Variants in UNC5A observed in about 807,000 individuals in gnomAD.
The protein encoded by UNC5A is netrin receptor UNC5A.
UNC5A carries 20 observed loss-of-function variants against 87.4 expected under a neutral mutation model. The ratio of observed to expected loss-of-function variants is 0.23; its 90% CI spans 0.16 to 0.33. The LOEUF (loss-of-function observed/expected upper bound fraction) is 0.33, where lower values mean the gene tolerates loss of function less well. UNC5A is among the 10% of genes least tolerant of loss of function. The pLI is 1.00. For missense variants in UNC5A, 844 were observed against 1,133.4 expected (o/e 0.74, Z 3.67); for synonymous variants, 438 against 482.3 (o/e 0.91, Z 1.20).
At chr5:176,852,274 CACATACACCACACAGAAACACT>C (rs1380388023) in intron 1 of UNC5A, among the ~76,000 whole-genome samples, 39 of 152,088 alleles carry the variant, frequency 2.6e-4, no homozygotes, top group East Asian at 1.4e-3. Flanking sequence ...CACAGAAACA[CACATACACCACACAGAAACACT>C]ACATACACCA....
intron 1 of UNC5A, among the ~76,000 whole-genome samples, chr5:176,837,870 G>A (rs1295072319): frequency 1.3e-5 from 2 of 152,068 alleles, no homozygotes; most frequent in African/African-American, 2.4e-5. Context: ...CACAGAGGCT[G>A]TCCCTCTGCG....
chr5:176,847,670 G>A (rs889544219), intron 1 of UNC5A, among the ~76,000 whole-genome samples: 7 of 151,948 alleles, frequency 4.6e-5, no homozygotes, highest in African/African-American at 1.7e-4. Context: ...ATTCCAGCCC[G>A]ATAGCCATAA....
At position 176,878,510 on chromosome 5, in the gene UNC5A, G is replaced by A; in HGVS notation, c.2055G>A (p.Gln685=). The change falls in exon 13 of 15, where the codon CAG becomes CAA. Residue 685 remains glutamine (Q), a synonymous_variant. Transcript: ENST00000329542. ...IPFYHIWNGT[Q]RYLHCTFTLE... is the part of the protein sequence containing the mutation. ...TTTATCACATCTGGAATGGCACGCAGCGGTACTTGCACTGCACCTTCACCC... is the reference window on the plus strand; with the variant it reads ...TTTATCACATCTGGAATGGCACGCAACGGTACTTGCACTGCACCTTCACCC... 4 of 1,613,134 alleles carry A rather than the reference G, an allele frequency of 2.5e-6. No individual in the cohort carries two copies. Among genetic ancestry groups the A allele is most frequent in the Non-Finnish European group, 3.4e-6 (4 of 1,179,888 alleles).
chr5:176,873,128 A>C (rs34082098), intron 6 of UNC5A, among the ~76,000 whole-genome samples: 16 of 74,570 alleles, frequency 2.1e-4, no homozygotes, highest in Middle Eastern at 0.013. Context: ...GCCCACACTC[A>C]CCCAACACCA....
At chr5:176,878,737 C>A in intron 13 of UNC5A, 98 bp downstream of exon 13, 1 of 1,458,654 alleles carries the variant, frequency 6.9e-7, no homozygotes, top group Non-Finnish European at 9.3e-7. Flanking sequence ...CTGCCACCCA[C>A]TCTCCCTCCC....
At chr5:176,863,778 TCCTTCTTTACCCCCTTCTTCCCTCCTTCC>T in intron 2 of UNC5A, among the ~76,000 whole-genome samples, 1 of 47,314 alleles carries the variant, frequency 2.1e-5, no homozygotes, top group Non-Finnish European at 4.0e-5. Flanking sequence ...CCTCCCCTCC[TCCTTCTTTACCCCCTTCTTCCCTCCTTCC>T]CCTCCTCCCC....
rs1440966531 is a variant in UNC5A at position 176,824,242 on chromosome 5, G to A, written c.70+13422G>A. On this transcript the variant is annotated intron_variant, in intron 1 of 14. Coordinates refer to ENST00000329542, the MANE Select transcript of UNC5A (RefSeq NM_133369.3). This position sits in a 1 kb window ranked among gnomAD's most constrained non-coding sequence, Gnocchi z 4.2. ...GGAAAGCGGCCGTGGGGCTGAGGCG[G>A]GTGAGGCCAGCGCACAGGGAGATCA... 6.6e-6 allele frequency among the ~76,000 whole-genome samples: 1 copy of A among 152,240 alleles called. No individual in the cohort carries two copies.
At position 176,866,542 on chromosome 5, in the gene UNC5A, C is replaced by T. The variant is rs1757980153; in HGVS notation, c.293-1588C>T. ...GAGGGCCGGGCTCCCCACAGCACCA[C>T]GGGGGATGGAGGAACCATTAACAGA... On this transcript the variant is annotated intron_variant, in intron 2 of 14. Transcript: ENST00000329542. This position sits in a 1 kb window ranked among gnomAD's most constrained non-coding sequence, Gnocchi z 5.0. Among the ~76,000 whole-genome samples the T allele has an allele frequency of 6.6e-6, 1 of 152,160 alleles. No individual in the cohort carries two copies. The highest frequency in any genetic ancestry group is 1.5e-5 in the Non-Finnish European group (1 of 68,020).
At chr5:176,846,561 G>A (rs1281512833) in intron 1 of UNC5A, among the ~76,000 whole-genome samples, 1 of 152,228 alleles carries the variant, frequency 6.6e-6, no homozygotes, top group Admixed American at 6.5e-5. Flanking sequence ...GCCCCAGATC[G>A]GGCCCCCCAG....
intron 2 of UNC5A, 36 bp from the exon 3 acceptor site, chr5:176,868,094 C>A: frequency 6.2e-7 from 1 of 1,603,630 alleles, no homozygotes; most frequent in East Asian, 2.2e-5. Context: ...TCAGGGTGGC[C>A]CTGGGGCTCT....
At chr5:176,819,075 G>C (rs1432360826) in intron 1 of UNC5A, among the ~76,000 whole-genome samples, 1 of 152,242 alleles carries the variant, frequency 6.6e-6, no homozygotes, top group African/African-American at 2.4e-5. Flanking sequence ...GGGCCGCACA[G>C]GTTGGGGGAG....
At chr5:176,816,121 C>A (rs1756579962) in intron 1 of UNC5A, among the ~76,000 whole-genome samples, 1 of 152,182 alleles carries the variant, frequency 6.6e-6, no homozygotes, top group Non-Finnish European at 1.5e-5. Flanking sequence ...TGTAGTATAC[C>A]CAATGATGCC....
chr5:176,839,314 C>A (rs932176919), intron 1 of UNC5A, among the ~76,000 whole-genome samples: 1 of 152,232 alleles, frequency 6.6e-6, no homozygotes, highest in Non-Finnish European at 1.5e-5. Flanking sequence ...ATGAGCACAT[C>A]GGAAGAAGAT....
At chr5:176,857,500 G>A (rs1036116022) in intron 1 of UNC5A, among the ~76,000 whole-genome samples, 1 of 151,168 alleles carries the variant, frequency 6.6e-6, no homozygotes, top group Non-Finnish European at 1.5e-5. Flanking sequence ...CTACACACAC[G>A]CACACACACA....
At position 176,810,723 on chromosome 5, in the gene UNC5A, C is replaced by G. The variant is rs999195049; in HGVS notation, c.-28C>G. Reference sequence around the variant, plus strand: ...CCTCCCGCCCGCGGGGCCCCGCGCCCGGCCCGCCCGCCTGCCCGCCCGCGG... The same window carrying G: ...CCTCCCGCCCGCGGGGCCCCGCGCCGGGCCCGCCCGCCTGCCCGCCCGCGG... On this transcript the variant is annotated 5_prime_UTR_variant, in exon 1 of 15. Coordinates refer to ENST00000329542, the MANE Select transcript of UNC5A (RefSeq NM_133369.3). The surrounding 1 kb of genome is among the most constrained non-coding windows in gnomAD (Gnocchi z 7.3). 3 of 1,044,514 alleles carry G rather than the reference C, an allele frequency of 2.9e-6. No individual in the cohort carries two copies. Among genetic ancestry groups the G allele is most frequent in the Non-Finnish European group, 2.3e-6 (2 of 858,932 alleles). The allele number at this position is 1,044,514 out of a possible 1,614,324, so 64.7% of individuals were successfully genotyped here.
rs1415976625 is a variant in UNC5A at position 176,869,877 on chromosome 5, TCCCA to T, written c.722-485_722-482del. On this transcript the variant is annotated intron_variant, in intron 5 of 14. Transcript: ENST00000329542. The surrounding 1 kb of genome is among the most constrained non-coding windows in gnomAD (Gnocchi z 9.1). ...ACCAGCCTGCCCCCCCATGGCTCCA[TCCCA>T]CCCACCCGCCACGCAGGGCCAGGCT... 1 of 573,868 alleles carries T rather than the reference TCCCA, an allele frequency of 1.7e-6. No homozygotes were observed. Among genetic ancestry groups the T allele is most frequent in the African/African-American group, 1.9e-5 (1 of 52,266 alleles). The allele number at this position is 573,868 out of a possible 1,614,324, so 35.5% of individuals were successfully genotyped here. A position where few individuals can be genotyped will look rare whatever the true frequency, so the allele number is the denominator to read the frequency against.
chr5:176,849,977 G>C (rs1757504256), intron 1 of UNC5A, among the ~76,000 whole-genome samples: 1 of 152,266 alleles, frequency 6.6e-6, no homozygotes, highest in Admixed American at 6.5e-5. Context: ...CTGCTGAGAA[G>C]AGTTGGCTCC....
At position 176,820,041 on chromosome 5, in the gene UNC5A, T is replaced by C. The variant is rs185719259; in HGVS notation, c.70+9221T>C. ...ACTTTGGGAGGCCGAGGCGGGCGGA[T>C]CACGAGGTCAGGAGATCGAGACCAT... On this transcript the variant is annotated intron_variant, in intron 1 of 14. Transcript: ENST00000329542. Among the ~76,000 whole-genome samples the C allele has an allele frequency of 4.6e-3, 702 of 152,190 alleles. 3 individuals are homozygous for C. The highest frequency in any genetic ancestry group is 8.5e-3 in the South Asian group (41 of 4,822).
intron 1 of UNC5A, among the ~76,000 whole-genome samples, chr5:176,831,885 C>CTTTTTTTTTTTTTTTT (rs10580672): frequency 7.2e-5 from 2 of 27,664 alleles, no homozygotes; most frequent in African/African-American, 1.2e-4. Flanking sequence ...TTCTCTCTCT[C>CTTTTTTTTTTTTTTTT]TTTTTTTTTT....
Sources: gnomAD v4.1 joint callset for allele counts (sites outside exome capture counted in the v4.1 genomes callset) on GRCh38, gnomAD v4.1.1 for gene constraint, Gnocchi (gnomAD v3.1) non-coding constraint, MANE v1.5 for transcripts, NCBI Gene and HGNC (gene_info 2026-07-23, HGNC 2026-07-21) for gene names.